LAIR1: variants seen among roughly 807,000 people sequenced by gnomAD.
LAIR1 encodes leukocyte-associated immunoglobulin-like receptor 1.
LAIR1 carries 24 observed loss-of-function variants against 32.8 expected under a neutral mutation model. That is an observed-to-expected ratio of 0.73 (90% CI 0.53 to 1.03). LAIR1 has a LOEUF of 1.03. LAIR1 is among the 50% of genes least tolerant of loss of function. The pLI, the probability that LAIR1 is intolerant of heterozygous loss-of-function variation, is 0.00. For synonymous variants in LAIR1, 150 were observed against 140.5 expected (o/e 1.07, Z -0.48); for missense variants, 355 against 347.5 (o/e 1.02, Z -0.17).
At chr19:54,361,874 G>A (rs1056676608) in intron 2 of LAIR1, among the ~76,000 whole-genome samples, 5 of 152,076 alleles carry the variant, frequency 3.3e-5, no homozygotes, top group African/African-American at 9.7e-5. Context: ...TCTTATTAAG[G>A]CTCTTGAAAA....
upstream of LAIR1, among the ~76,000 whole-genome samples, chr19:54,374,789 A>G (rs1244525184): frequency 6.6e-6 from 1 of 152,160 alleles, no homozygotes; most frequent in Non-Finnish European, 1.5e-5. Context: ...GAAAAGAATC[A>G]GCATCTAGAG....
chr19:54,357,171 C>T (rs1207366734), intron 4 of LAIR1: 1 of 574,192 alleles, frequency 1.7e-6, no homozygotes, highest in Non-Finnish European at 3.1e-6. Context: ...TCACACATAG[C>T]TATTGATATT....
At chr19:54,372,488 T>C (rs1372955168), upstream of LAIR1, among the ~76,000 whole-genome samples, 2 of 118,648 alleles carry the variant, frequency 1.7e-5, no homozygotes, top group Non-Finnish European at 3.5e-5. Flanking sequence ...TCTTTCTTTC[T>C]TTCTTTTTTT....
At chr19:54,372,450 T>C (rs905395206), upstream of LAIR1, among the ~76,000 whole-genome samples, 165 of 151,184 alleles carry the variant, frequency 1.1e-3, 6 homozygotes, top group African/African-American at 3.1e-3. Context: ...TCAGAGAACT[T>C]TGACAAGCCA....
At chr19:54,361,258 C>T (rs1231226613) in intron 2 of LAIR1, 49 bp from the exon 3 acceptor site, 1 of 1,578,136 alleles carries the variant, frequency 6.3e-7, no homozygotes, top group African/African-American at 1.3e-5. Context: ...AGGAAGTCAC[C>T]ATGCCACACA....
chr19:54,355,215 T>A lies in LAIR1; in HGVS notation c.*53A>T, dbSNP rs2081637555. 1 of 1,476,574 alleles carries A rather than the reference T, an allele frequency of 6.8e-7. No homozygotes were observed. Among genetic ancestry groups the A allele is most frequent in the Admixed American group, 2.3e-5 (1 of 44,120 alleles). The allele number at this position is 1,476,574 out of a possible 1,614,324, so 91.5% of individuals were successfully genotyped here. A position where few individuals can be genotyped will look rare whatever the true frequency, so the allele number is the denominator to read the frequency against. On this transcript the variant is annotated 3_prime_UTR_variant, in exon 10 of 10. Transcript: ENST00000391742. This position sits in a 1 kb window ranked among gnomAD's most constrained non-coding sequence, Gnocchi z 4.7. ...AGCCTTCCAAATGGCTGCTTCAGGC[T>A]TTTCCTAGAGTGACTTTCTACCCTC...
rs2081679434 is a variant in LAIR1 at position 54,355,967 on chromosome 19, T to A, written c.704A>T (p.Glu235Val). Residue 235 changes from glutamate to valine, a missense_variant, in exon 9 of 10, where the codon GAG (glutamate) becomes GTG (valine). Coordinates refer to ENST00000391742, the MANE Select transcript of LAIR1 (RefSeq NM_002287.6). This position sits in a 1 kb window ranked among gnomAD's most constrained non-coding sequence, Gnocchi z 4.7. ...TVNGLPEKDR[E>V]TDTSALAAGS... ...AGGAAGGCTCACCGAGGTGTCCGTC[T>A]CTCTGTCCTTCTCAGGAAGTCCATT... 1 of 1,606,498 alleles carries A rather than the reference T, an allele frequency of 6.2e-7. No individual in the cohort carries two copies. Among genetic ancestry groups the A allele is most frequent in the South Asian group, 1.1e-5 (1 of 90,980 alleles).
chr19:54,357,261 G>C, intron 4 of LAIR1: 1 of 465,104 alleles, frequency 2.2e-6, no homozygotes. Context: ...CCACGGGCCT[G>C]ATGCCATCCC....
intron 4 of LAIR1, chr19:54,357,169 A>G (rs1261846400): frequency 7.0e-6 from 4 of 575,160 alleles, no homozygotes; most frequent in Non-Finnish European, 1.2e-5. Flanking sequence ...AGTCACACAT[A>G]GCTATTGATA....
chr19:54,372,494 T>TC (rs11373649), upstream of LAIR1, among the ~76,000 whole-genome samples: 6,605 of 145,174 alleles, frequency 0.045, 606 homozygotes, highest in African/African-American at 0.16. Flanking sequence ...TTTCTTTCTT[T>TC]TTTTTTTTTT....
chr19:54,355,206 G>T lies in LAIR1; in HGVS notation c.*62C>A. 6.9e-7 allele frequency: 1 copy of T among 1,440,782 alleles called. No individual in the cohort carries two copies. The highest frequency in any genetic ancestry group is 1.8e-4 in the Middle Eastern group (1 of 5,408). The allele number at this position is 1,440,782 out of a possible 1,614,324, so 89.2% of individuals were successfully genotyped here. On this transcript the variant is annotated 3_prime_UTR_variant, in exon 10 of 10. Coordinates refer to ENST00000391742, the MANE Select transcript of LAIR1 (RefSeq NM_002287.6). The surrounding 1 kb of genome is among the most constrained non-coding windows in gnomAD (Gnocchi z 4.7). ...CCAACAGGAAGCCTTCCAAATGGCT[G>T]CTTCAGGCTTTTCCTAGAGTGACTT...
upstream of LAIR1, among the ~76,000 whole-genome samples, chr19:54,373,337 G>C (rs1377766738): frequency 6.6e-6 from 1 of 151,850 alleles, no homozygotes; most frequent in Admixed American, 6.6e-5. Context: ...CCAGCTACTT[G>C]GGAGGCTGAG....
At chr19:54,358,142 T>G (rs1373165755) in intron 4 of LAIR1, 6 of 146,976 alleles carry the variant, frequency 4.1e-5, no homozygotes, top group Non-Finnish European at 1.5e-5. Context: ...AATGTATAAT[T>G]TATATTTGAT....
upstream of LAIR1, chr19:54,365,157 A>T (rs369620714): frequency 2.3e-5 from 19 of 826,944 alleles, no homozygotes; most frequent in Middle Eastern, 5.1e-4. Flanking sequence ...TCCCAACTCC[A>T]CAAGTTAACG....
At chr19:54,365,106 A>G (rs1368593204), upstream of LAIR1, 77 of 1,230,780 alleles carry the variant, frequency 6.3e-5, no homozygotes, top group Non-Finnish European at 7.7e-5. Context: ...CTATGGGACA[A>G]GGCAGAATAA....
At position 54,356,580 on chromosome 19, in the gene LAIR1, T is replaced by A. The variant is rs763762622; in HGVS notation, c.494A>T (p.Tyr165Phe). ...ASQGLKAEHL[Y>F]ILIGVSVVFL... Reference sequence around the variant, plus strand: ...GACCACTGAGACCCCGATGAGAATATACAGATGCTCAGCTTTCAGGCCTTG... The same window carrying A: ...GACCACTGAGACCCCGATGAGAATAAACAGATGCTCAGCTTTCAGGCCTTG... Residue 165 changes from tyrosine (Y) to phenylalanine (F), a missense_variant, in exon 6 of 10, where the codon TAT (tyrosine) becomes TTT (phenylalanine). Tyr to Phe is a conservative substitution (Grantham distance 22, BLOSUM62 3). Transcript: ENST00000391742. The A allele has an allele frequency of 6.2e-7, 1 of 1,613,884 alleles. No individual in the cohort carries two copies. The highest frequency in any genetic ancestry group is 8.5e-7 in the Non-Finnish European group (1 of 1,179,966).
At position 54,364,840 on chromosome 19, in the gene LAIR1, G is replaced by A. The variant is rs758324984; in HGVS notation, c.-36C>T. 91 of 1,613,824 alleles carry A rather than the reference G, an allele frequency of 5.6e-5. No individual in the cohort carries two copies. Among genetic ancestry groups the A allele is most frequent in the Non-Finnish European group, 7.2e-5 (85 of 1,179,912 alleles). On this transcript the variant is annotated 5_prime_UTR_variant, in exon 1 of 10. Coordinates refer to ENST00000391742, the MANE Select transcript of LAIR1 (RefSeq NM_002287.6). This position sits in a 1 kb window ranked among gnomAD's most constrained non-coding sequence, Gnocchi z 4.8. ...CCAGCAGTGCAGCCTGGCCTGAGGCGCACCAATGCAAGGACAGAACTCTGC... is the reference window on the plus strand; with the variant it reads ...CCAGCAGTGCAGCCTGGCCTGAGGCACACCAATGCAAGGACAGAACTCTGC...
chr19:54,359,229 AC>A (rs2081887412), intron 4 of LAIR1, among the ~76,000 whole-genome samples: 2 of 151,326 alleles, frequency 1.3e-5, no homozygotes, highest in Non-Finnish European at 2.9e-5. Context: ...GGGGATAGAA[AC>A]CCAGGTGGGG....
chr19:54,373,393 G>C (rs918629676), upstream of LAIR1, among the ~76,000 whole-genome samples: 14 of 152,100 alleles, frequency 9.2e-5, no homozygotes, highest in Admixed American at 8.5e-4. Context: ...GCAGTGAGCC[G>C]AGATCGCGCC....
Sources: gnomAD v4.1 joint callset for allele counts (sites outside exome capture counted in the v4.1 genomes callset) on GRCh38, gnomAD v4.1.1 for gene constraint, Gnocchi (gnomAD v3.1) non-coding constraint, MANE v1.5 for transcripts, NCBI Gene and HGNC (gene_info 2026-07-23, HGNC 2026-07-21) for gene names.